The following ATAD2 variants were observed in gnomAD, a reference collection of about 807,000 sequenced individuals.
ATAD2 encodes ATPase family AAA domain-containing protein 2.
Under a neutral mutation model 168.9 loss-of-function variants are expected in ATAD2, and 62 were observed. The ratio of observed to expected loss-of-function variants is 0.37; its 90% confidence interval spans 0.30 to 0.45. The LOEUF (loss-of-function observed/expected upper bound fraction) is 0.45, where lower values mean the gene tolerates loss of function less well. Among genes scored for constraint, ATAD2 ranks in the 20% least tolerant of loss-of-function variants. The pLI is 1.00. For synonymous variants in ATAD2, 613 were observed against 571.6 expected, an observed-to-expected ratio of 1.07 and a Z score of -1.03; for missense variants, 1,419 against 1,667.8, an observed-to-expected ratio of 0.85 and a Z score of 2.60.
At chr8:123,367,066 T>C (rs1829001191) in intron 8 of ATAD2, among the ~76,000 whole-genome samples, 1 of 152,174 alleles carries the variant, frequency 6.6e-6, no homozygotes. Context: ...TCCATTTTAC[T>C]GAAAGCCAAT....
chr8:123,339,539 G>T, intron 19 of ATAD2, 93 bp from the exon 20 acceptor site: 1 of 1,185,092 alleles, frequency 8.4e-7, no homozygotes, highest in Non-Finnish European at 1.2e-6. Flanking sequence ...CTTTACAGCA[G>T]CATGAAAGTG....
rs1279612659 is a variant in ATAD2 at position 123,347,191 on chromosome 8, C to A, written c.2113G>T (p.Val705Leu). Residue 705 changes from valine (V) to leucine (L), a missense_variant, in exon 16 of 28, where the codon GTG (valine) becomes TTG (leucine). Around this residue, in one of 5 missense-constraint regions of ATAD2, gnomAD observed 545 missense variants for 724.9 expected, o/e 0.75. Transcript: ENST00000287394. The part of the protein sequence containing the change: ...TSPGQALSTV[V>L]KPLLQNTVDK... ...ACAGTGTTTTGCAGGAGTGGTTTCACAACGGTGGACAGTGCCTGCCCAGGT... is the reference window on the plus strand; with the variant it reads ...ACAGTGTTTTGCAGGAGTGGTTTCAAAACGGTGGACAGTGCCTGCCCAGGT... The A allele has an allele frequency of 6.2e-7, 1 of 1,614,046 alleles. No homozygotes were observed. The highest frequency in any genetic ancestry group is 8.5e-7 in the Non-Finnish European group (1 of 1,180,032).
upstream of ATAD2, among the ~76,000 whole-genome samples, chr8:123,399,728 C>G (rs1812972535): frequency 6.6e-6 from 1 of 152,020 alleles, no homozygotes; most frequent in South Asian, 2.1e-4. Flanking sequence ...GTGGCGGGCA[C>G]CTGTAATCCC....
chr8:123,391,985 T>C (rs563003297), intron 1 of ATAD2, among the ~76,000 whole-genome samples: 32 of 152,266 alleles, frequency 2.1e-4, no homozygotes, highest in Non-Finnish European at 4.3e-4. Flanking sequence ...TTGAGGGGGA[T>C]CCTTTCTACC....
chr8:123,343,126 G>A (rs779630171), intron 19 of ATAD2, among the ~76,000 whole-genome samples: 12 of 151,734 alleles, frequency 7.9e-5, no homozygotes, highest in Admixed American at 2.0e-4. Context: ...CTGGGATTAC[G>A]GGCACACATC....
chr8:123,354,865 AT>A (rs1201045863), intron 13 of ATAD2, among the ~76,000 whole-genome samples: 6,114 of 53,132 alleles, frequency 0.12, 596 homozygotes, highest in Non-Finnish European at 0.14. Context: ...AAAAAAAAAA[AT>A]ATATATATAT....
At chr8:123,413,075 C>T (rs1425366053) in intron 1 of ATAD2, among the ~76,000 whole-genome samples, 2 of 152,068 alleles carry the variant, frequency 1.3e-5, no homozygotes, top group East Asian at 3.9e-4. Context: ...GAAATGTAAT[C>T]ATCAGGAAGG....
At chr8:123,344,535 G>A (rs1828171212) in intron 19 of ATAD2, 1 of 215,772 alleles carries the variant, frequency 4.6e-6, no homozygotes, top group Non-Finnish European at 9.3e-6. Context: ...TTTTAGTAGG[G>A]ACAGGGTTTC....
chr8:123,374,004 C>T (rs929032014), intron 2 of ATAD2, among the ~76,000 whole-genome samples: 1 of 152,064 alleles, frequency 6.6e-6, no homozygotes, highest in African/African-American at 2.4e-5. Context: ...TATATATTCT[C>T]ATTAACAAAG....
At chr8:123,362,316 A>AAG (rs1828851190) in intron 8 of ATAD2, among the ~76,000 whole-genome samples, 3 of 152,154 alleles carry the variant, frequency 2.0e-5, no homozygotes, top group Admixed American at 1.3e-4. Flanking sequence ...AAAAAAAAAA[A>AAG]AAGTATTTGG....
chr8:123,328,655 T>C, intron 24 of ATAD2, 76 bp from the exon 25 acceptor site: 2 of 1,374,650 alleles, frequency 1.5e-6, no homozygotes, highest in Non-Finnish European at 1.9e-6. Flanking sequence ...AAAACCCTGA[T>C]ATATGAAAGG....
chr8:123,326,602 G>T (rs1031450010), intron 25 of ATAD2, among the ~76,000 whole-genome samples: 2 of 151,994 alleles, frequency 1.3e-5, no homozygotes, highest in Non-Finnish European at 2.9e-5. Context: ...CGTTTGAGCC[G>T]AGGAGGCAGA....
chr8:123,413,048 TAGAG>T (rs751734080), intron 1 of ATAD2, among the ~76,000 whole-genome samples: 2 of 152,096 alleles, frequency 1.3e-5, no homozygotes, highest in Non-Finnish European at 2.9e-5. Context: ...CTCAAGGACT[TAGAG>T]AGCCATTCCT....
intron 13 of ATAD2, among the ~76,000 whole-genome samples, chr8:123,354,882 T>C (rs1828589904): frequency 7.9e-6 from 1 of 126,660 alleles, no homozygotes; most frequent in South Asian, 2.4e-4. Context: ...TATATATATA[T>C]ATATATTTGA....
rs1217997408 is a variant in ATAD2, at chr8:123,357,679, A to C, written c.1440T>G (p.Leu480=). 2 of 1,613,756 alleles carry C rather than the reference A, an allele frequency of 1.2e-6. No homozygotes were observed. Residue 480 remains leucine, a synonymous_variant, in exon 12 of 28, where the codon CTT becomes CTG. Coordinates refer to ENST00000287394, the MANE Select transcript of ATAD2 (RefSeq NM_014109.4). The part of the protein sequence containing the change: ...GTGKTLVARA[L]ANECSQGDKR... ...TATCCCCTTGACTGCACTCATTGGCAAGTGCTCTGGCAACCAGAGTCTTTC... is the reference window on the plus strand; with the variant it reads ...TATCCCCTTGACTGCACTCATTGGCCAGTGCTCTGGCAACCAGAGTCTTTC...
intron 1 of ATAD2, among the ~76,000 whole-genome samples, chr8:123,384,280 G>A (rs1829582674): frequency 6.6e-6 from 1 of 152,096 alleles, no homozygotes; most frequent in African/African-American, 2.4e-5. Context: ...GCACTGCTAA[G>A]CATAACTCCT....
rs1554646765 is a variant in ATAD2, at chr8:123,379,891, T to TTTA, written c.320+637_320+638insTAA. The stretch of plus-strand genomic sequence containing the variant: ...CCACGTATTATTATTATTATTATTA[T>TTTA]TTTTTTTTTTTTGAGACTGAGTTTC... On this transcript the variant is annotated intron_variant, in intron 2 of 27. Coordinates refer to ENST00000287394, the MANE Select transcript of ATAD2 (RefSeq NM_014109.4). Among the ~76,000 whole-genome samples, 24 of 56,140 alleles carry TTTA rather than the reference T, an allele frequency of 4.3e-4. 1 individual carries two copies. Among genetic ancestry groups the TTTA allele is most frequent in the South Asian group, 1.7e-3 (2 of 1,152 alleles). 36.8% of individuals were successfully genotyped at this position (56,140 alleles called of 152,430 possible).
At chr8:123,400,675 G>C, upstream of ATAD2, 1 of 729,304 alleles carries the variant, frequency 1.4e-6, no homozygotes. This position sits in a 1 kb window ranked among gnomAD's most constrained non-coding sequence, Gnocchi z 4.5. Context: ...CACCTACAAC[G>C]AGTTCCTGAT....
chr8:123,401,959 G>C, intron 1 of ATAD2: 4 of 904,330 alleles, frequency 4.4e-6, no homozygotes, highest in Non-Finnish European at 5.6e-6. Flanking sequence ...TGGGCATCCA[G>C]CATGGCTGCC....
Sources: gnomAD v4.1 joint callset for allele counts (sites outside exome capture counted in the v4.1 genomes callset) on GRCh38, gnomAD v4.1.1 for gene constraint, gnomAD v4.1.1 regional missense constraint, Gnocchi (gnomAD v3.1) non-coding constraint, MANE v1.5 for transcripts, NCBI Gene and HGNC (gene_info 2026-07-23, HGNC 2026-07-21) for gene names.